The following CTBP2 variants were observed in gnomAD, a reference collection of about 807,000 sequenced individuals.
CTBP2 encodes C-terminal-binding protein 2.
A neutral mutation model predicts 80.3 loss-of-function variants in CTBP2; 30 were observed. The observed-to-expected ratio is 0.37, with a 90% CI of 0.28 to 0.51. CTBP2 has a LOEUF of 0.51. CTBP2 is among the 20% of genes least tolerant of loss of function. The probability of loss-of-function intolerance (pLI) is 0.93; values close to 1 mark genes in which losing one functional copy is unlikely to be tolerated. For missense variants in CTBP2, 1,212 were observed against 1,375.3 expected (o/e 0.88, Z 1.88); for synonymous variants, 594 against 587.4 (o/e 1.01, Z -0.16).
chr10:125,116,270 G>T (rs549924572), intron 1 of CTBP2, among the ~76,000 whole-genome samples: 1 of 152,208 alleles, frequency 6.6e-6, no homozygotes, highest in Non-Finnish European at 1.5e-5. Context: ...GACGGGTAGT[G>T]TGCAGGTCAC....
intron 1 of CTBP2, among the ~76,000 whole-genome samples, chr10:125,118,330 G>A (rs1476640595): frequency 6.6e-6 from 1 of 152,128 alleles, no homozygotes; most frequent in East Asian, 1.9e-4. Context: ...GCTCCAGGAC[G>A]GAGAAATAAA....
chr10:125,080,310 C>T lies in CTBP2; in HGVS notation c.-102+30680G>A, dbSNP rs145126726. 3.0e-3 allele frequency among the ~76,000 whole-genome samples: 459 copies of T among 152,126 alleles called. 2 individuals are homozygous for T. The highest frequency in any genetic ancestry group is 5.1e-3 in the Non-Finnish European group (347 of 67,978). On this transcript the variant is annotated intron_variant, in intron 2 of 10. Transcript: ENST00000337195. Reference sequence around the variant, plus strand: ...GTAAAAAAAAAACACACACCCACACCGTCAACCAAGACATCTGTCACCCGT... The same window carrying T: ...GTAAAAAAAAAACACACACCCACACTGTCAACCAAGACATCTGTCACCCGT...
In CTBP2 at chr10:125,026,759, G is replaced by C. The variant is rs758789824; in HGVS notation, c.1001C>G (p.Pro334Arg). The C allele has an allele frequency of 6.2e-7, 1 of 1,613,064 alleles. No individual in the cohort carries two copies. Among genetic ancestry groups the C allele is most frequent in the Non-Finnish European group, 8.5e-7 (1 of 1,179,960 alleles). ...CAGAACACGGGCCTGGCCCAGGTTG[G>C]GTGCGACAGACTTGATATCCGCGTC... Residue 334 changes from proline to arginine, a missense_variant, in exon 1 of 9, where the codon CCC becomes CGC. This residue lies in a region of CTBP2 where 848 missense variants were observed against 782.3 expected (regional missense o/e 1.08). Transcript: ENST00000309035.
intron 1 of CTBP2, among the ~76,000 whole-genome samples, chr10:125,149,520 C>G (rs1055017225): frequency 1.3e-5 from 2 of 152,172 alleles, no homozygotes; most frequent in Admixed American, 6.5e-5. Flanking sequence ...GAGTCATCCA[C>G]AAGACAGAGC....
At chr10:125,109,309 T>C (rs1851930739) in intron 2 of CTBP2, among the ~76,000 whole-genome samples, 1 of 152,210 alleles carries the variant, frequency 6.6e-6, no homozygotes, top group African/African-American at 2.4e-5. Context: ...ATGTCCAACA[T>C]GGCCAGTTCC....
intron 1 of CTBP2, among the ~76,000 whole-genome samples, chr10:125,151,703 C>CCCTGGTGCAACCAGGTCCCT (rs1859919716): frequency 6.6e-6 from 1 of 152,084 alleles, no homozygotes; most frequent in Non-Finnish European, 1.5e-5. Context: ...ACCAGGTCCC[C>CCCTGGTGCAACCAGGTCCCT]GCCCCTGCTC....
At chr10:125,085,088 C>T (rs1278966035) in intron 2 of CTBP2, among the ~76,000 whole-genome samples, 2 of 152,204 alleles carry the variant, frequency 1.3e-5, no homozygotes, top group Non-Finnish European at 2.9e-5. Context: ...GGGACTGCGA[C>T]AGAAATTACC....
intron 1 of CTBP2, chr10:125,005,442 G>A: frequency 8.7e-7 from 1 of 1,145,940 alleles, no homozygotes; most frequent in Non-Finnish European, 1.2e-6. Context: ...CCCAAACAGG[G>A]TGTCCGCATG....
intron 1 of CTBP2, chr10:125,137,869 AC>A (rs1434306927): frequency 6.6e-6 from 1 of 152,234 alleles, no homozygotes; most frequent in Non-Finnish European, 1.5e-5. Context: ...GGTAAGGCTC[AC>A]AAAACATCCG....
chr10:125,044,947 A>G (rs1435377020), intron 2 of CTBP2, among the ~76,000 whole-genome samples: 1 of 152,256 alleles, frequency 6.6e-6, no homozygotes, highest in Non-Finnish European at 1.5e-5. Context: ...TGAGAAAATC[A>G]GGATAGGAAA....
At chr10:125,001,965 TCACA>T (rs3842241) in intron 3 of CTBP2, among the ~76,000 whole-genome samples, 3 of 152,028 alleles carry the variant, frequency 2.0e-5, no homozygotes, top group African/African-American at 7.3e-5. Flanking sequence ...AACACTCCGC[TCACA>T]CACAGAGCCC....
intron 2 of CTBP2, among the ~76,000 whole-genome samples, chr10:125,058,031 CT>C (rs767992612): frequency 6.6e-6 from 1 of 152,118 alleles, no homozygotes; most frequent in Non-Finnish European, 1.5e-5. Context: ...CTTTTTCAGC[CT>C]TCTCCTCTAA....
chr10:125,024,146 C>T (rs1220252782), intron 1 of CTBP2, among the ~76,000 whole-genome samples: 4 of 152,332 alleles, frequency 2.6e-5, no homozygotes, highest in East Asian at 1.9e-4. Flanking sequence ...AATGTGACTG[C>T]GGATTCTGTG....
At chr10:125,083,573 A>AT (rs1847507156) in intron 2 of CTBP2, among the ~76,000 whole-genome samples, 1 of 152,220 alleles carries the variant, frequency 6.6e-6, no homozygotes, top group East Asian at 1.9e-4. Flanking sequence ...ATCAAAGACC[A>AT]TAACGCAAAG....
In CTBP2 at chr10:124,984,631, C is replaced by A; in HGVS notation, c.*4887G>T. 1 of 754,844 alleles carries A rather than the reference C, an allele frequency of 1.3e-6. No homozygotes were observed. Among genetic ancestry groups the A allele is most frequent in the Non-Finnish European group, 2.1e-6 (1 of 484,572 alleles). 46.8% of individuals were successfully genotyped at this position (754,844 alleles called of 1,614,324 possible). A position where few individuals can be genotyped will look rare whatever the true frequency, so the allele number is the denominator to read the frequency against. On this transcript the variant is annotated 3_prime_UTR_variant, in exon 9 of 9. Transcript: ENST00000309035. Reference sequence around the variant, plus strand: ...AACTGGACTTTAATCACAAAACTTCCAAGAGGTCAAAACCATGTGAAAAGT... The same window carrying A: ...AACTGGACTTTAATCACAAAACTTCAAAGAGGTCAAAACCATGTGAAAAGT...
At chr10:125,117,569 A>G (rs1419597440) in intron 1 of CTBP2, among the ~76,000 whole-genome samples, 1 of 152,204 alleles carries the variant, frequency 6.6e-6, no homozygotes, top group African/African-American at 2.4e-5. Flanking sequence ...GTGGAGTCCA[A>G]GTTTGGTTGG....
chr10:124,994,394 G>A (rs952184804), intron 5 of CTBP2, 75 bp downstream of exon 7: 24 of 1,441,084 alleles, frequency 1.7e-5, no homozygotes, highest in African/African-American at 7.0e-5. Flanking sequence ...GTTGCCCTCC[G>A]TGTCCCTCTT....
intron 2 of CTBP2, among the ~76,000 whole-genome samples, chr10:125,075,608 T>C (rs1175935492): frequency 6.6e-6 from 1 of 151,962 alleles, no homozygotes; most frequent in African/African-American, 2.4e-5. Flanking sequence ...TAAGACACGG[T>C]AAGAAAAAAA....
chr10:125,161,463 G>T (rs930730385), upstream of CTBP2, among the ~76,000 whole-genome samples: 5 of 151,886 alleles, frequency 3.3e-5, no homozygotes, highest in African/African-American at 4.8e-5. Flanking sequence ...AGCCAGCGGC[G>T]CCAACCAGCC....
Sources: allele counts gnomAD v4.1 joint callset (sites outside exome capture counted in the v4.1 genomes callset), GRCh38; gene constraint gnomAD v4.1.1; regional missense constraint gnomAD v4.1.1; transcripts MANE v1.5; gene names NCBI Gene and HGNC (gene_info 2026-07-23, HGNC 2026-07-21).